The following CDC42BPB variants were observed in gnomAD, a reference collection of about 807,000 sequenced individuals.
The protein encoded by CDC42BPB is CDC42 binding protein kinase beta.
A neutral mutation model predicts 214.9 loss-of-function variants in CDC42BPB; 37 were observed. The observed-to-expected ratio is 0.17, with a 90% CI of 0.13 to 0.23. The LOEUF is 0.23. CDC42BPB is among the 10% of genes least tolerant of loss of function. CDC42BPB has a pLI of 1.00. For synonymous variants in CDC42BPB, 931 were observed against 884.0 expected (o/e 1.05, Z -0.94); for missense variants, 1,694 against 2,227.0 (o/e 0.76, Z 4.82).
At position 102,949,572 on chromosome 14, in the gene CDC42BPB, G is replaced by A. The variant is rs904042795; in HGVS notation, c.3449+193C>T. 3.3e-5 allele frequency among the ~76,000 whole-genome samples: 5 copies of A among 152,172 alleles called. No homozygotes were observed. The East Asian group carries it at 7.7e-4, about 23-fold the overall frequency. ...CTCCCGTTCCTGCGCACGCAGGCCC[G>A]TATGCATGTCTGTTCATACGCATGT... On this transcript the variant is annotated intron_variant, in intron 26 of 36. Transcript: ENST00000361246.
chr14:103,002,962 G>A (rs1895058875), intron 4 of CDC42BPB, among the ~76,000 whole-genome samples: 1 of 152,170 alleles, frequency 6.6e-6, no homozygotes, highest in Non-Finnish European at 1.5e-5. Context: ...GCTCCTTTAG[G>A]GTGAATGGAA....
intron 1 of CDC42BPB, among the ~76,000 whole-genome samples, chr14:103,032,797 T>C (rs1887464520): frequency 6.6e-6 from 1 of 151,792 alleles, no homozygotes; most frequent in African/African-American, 2.4e-5. Context: ...CACGCCTGGC[T>C]AATTTTTATA....
rs1024139452 is a variant in CDC42BPB at position 103,014,194 on chromosome 14, G to A, written c.176-2006C>T. ...AAAAAAAAAAAAAAAAAAGCTCCTA[G>A]AGAGAGGTCAGGTCAACTCTTCCCA... On this transcript the variant is annotated intron_variant, in intron 1 of 36. Transcript: ENST00000361246. Among the ~76,000 whole-genome samples, 203 of 144,182 alleles carry A rather than the reference G, an allele frequency of 1.4e-3. 1 individual carries two copies. Among genetic ancestry groups the A allele is most frequent in the African/African-American group, 4.9e-3 (194 of 39,284 alleles). The allele number at this position is 144,182 out of a possible 152,430, so 94.6% of individuals were successfully genotyped here. A position where few individuals can be genotyped will look rare whatever the true frequency, so the allele number is the denominator to read the frequency against.
rs1042537487 is a variant in CDC42BPB at position 102,966,153 on chromosome 14, G to T, written c.2577+129C>A. 6.4e-6 allele frequency: 4 copies of T among 621,014 alleles called. No homozygotes were observed. The Admixed American group carries it at 9.1e-5, about 14-fold the overall frequency. 38.5% of individuals were successfully genotyped at this position (621,014 alleles called of 1,614,324 possible). Reference sequence around the variant, plus strand: ...GCAAATGTTGGCGTTCCTTAAATTGGGGAACTGGTTACACAGAAGTCTCTT... The same window carrying T: ...GCAAATGTTGGCGTTCCTTAAATTGTGGAACTGGTTACACAGAAGTCTCTT... On this transcript the variant is annotated intron_variant, in intron 18 of 36. Transcript: ENST00000361246.
rs753500249 is a variant in CDC42BPB at position 102,980,751 on chromosome 14, A to G, written c.1140+22T>C. 3 of 1,612,632 alleles carry G rather than the reference A, an allele frequency of 1.9e-6. No homozygotes were observed. In the South Asian group the frequency reaches 3.3e-5, roughly 18 times the overall value. On this transcript the variant is annotated intron_variant, in intron 8 of 36. Transcript: ENST00000361246. ...GTCAGACCCACAGCCAGCAACCCTG[A>G]GAACGGTGCTTTCACACTCACCGTG...
chr14:102,987,615 A>T (rs569216770), intron 5 of CDC42BPB, among the ~76,000 whole-genome samples: 5 of 152,302 alleles, frequency 3.3e-5, no homozygotes, highest in Admixed American at 3.3e-4. Flanking sequence ...TCACACAAAC[A>T]TGGGCAGATG....
At chr14:103,050,812 G>A (rs1888563042) in intron 1 of CDC42BPB, among the ~76,000 whole-genome samples, 1 of 151,992 alleles carries the variant, frequency 6.6e-6, no homozygotes, top group Admixed American at 6.6e-5. Flanking sequence ...TGCAATTTTG[G>A]AGGTCAGGGA....
rs565736470 is a variant in CDC42BPB, at chr14:102,969,895, G to A, written c.1995+256C>T. Reference sequence around the variant, plus strand: ...TAGGAAATGAGCCAATTAGATATTCGTTTCCTAGGACTTACTGTGAATTGC... The same window carrying A: ...TAGGAAATGAGCCAATTAGATATTCATTTCCTAGGACTTACTGTGAATTGC... On this transcript the variant is annotated intron_variant, in intron 14 of 36. Coordinates refer to ENST00000361246, the MANE Select transcript of CDC42BPB (RefSeq NM_006035.4). 2.6e-5 allele frequency among the ~76,000 whole-genome samples: 4 copies of A among 152,326 alleles called. No individual in the cohort carries two copies. In the East Asian group the frequency reaches 5.8e-4, roughly 22 times the overall value.
intron 1 of CDC42BPB, among the ~76,000 whole-genome samples, chr14:103,016,276 T>C (rs1344891213): frequency 6.6e-6 from 1 of 152,258 alleles, no homozygotes; most frequent in Non-Finnish European, 1.5e-5. Flanking sequence ...GGAACTTCGC[T>C]GCCAGGATGG....
At chr14:103,029,285 T>C (rs1887215389) in intron 1 of CDC42BPB, among the ~76,000 whole-genome samples, 1 of 152,226 alleles carries the variant, frequency 6.6e-6, no homozygotes, top group Non-Finnish European at 1.5e-5. Flanking sequence ...ATTACGCTTG[T>C]AATCCCAGCA....
chr14:102,964,258 T>TCGCAC (rs1893088853), intron 19 of CDC42BPB, among the ~76,000 whole-genome samples: 2 of 152,124 alleles, frequency 1.3e-5, no homozygotes, highest in African/African-American at 4.8e-5. Flanking sequence ...AAAACACGGC[T>TCGCAC]CGCACCGCAC....
intron 1 of CDC42BPB, among the ~76,000 whole-genome samples, chr14:103,046,787 G>A (rs974664118): frequency 2.0e-5 from 3 of 151,848 alleles, no homozygotes; most frequent in Admixed American, 2.0e-4. Flanking sequence ...AAGAGTAGCT[G>A]GGATTACAGG....
rs35836661 is a variant in CDC42BPB at position 102,946,726 on chromosome 14, C to T, written c.3532-42G>A. 1,821 of 1,604,418 alleles carry T rather than the reference C, an allele frequency of 1.1e-3. 19 individuals are homozygous for T. In the African/African-American group the frequency reaches 0.021, roughly 19 times the overall value. On this transcript the variant is annotated intron_variant, in intron 27 of 36. Coordinates refer to ENST00000361246, the MANE Select transcript of CDC42BPB (RefSeq NM_006035.4). ...AGAAGAGAAGAGAGAAGTCATCAAA[C>T]GCCAAAGCCGCACGCAGCTACCACG...
intron 17 of CDC42BPB, among the ~76,000 whole-genome samples, 181 bp downstream of exon 17, chr14:102,966,865 C>A (rs1893229182): frequency 6.6e-6 from 1 of 152,182 alleles, no homozygotes. Flanking sequence ...ATCTCCACCT[C>A]TATTCCAACA....
At chr14:102,970,473 T>A (rs1893425110) in intron 13 of CDC42BPB, 2 of 620,060 alleles carry the variant, frequency 3.2e-6, no homozygotes, top group African/African-American at 2.0e-5. Context: ...GGTTCAATTC[T>A]AGCTTAAATT....
chr14:102,958,549 C>T lies in CDC42BPB; in HGVS notation c.2901+1082G>A, dbSNP rs181733060. The stretch of plus-strand genomic sequence containing the variant: ...GCGTGCTGCTATCAAGGGTGCATCC[C>T]TACAGGTTTCAAAGAGGAGGAAAGG... On this transcript the variant is annotated intron_variant, in intron 21 of 36. Transcript: ENST00000361246. Among the ~76,000 whole-genome samples, 101 of 152,248 alleles carry T rather than the reference C, an allele frequency of 6.6e-4. 1 individual carries two copies. Among genetic ancestry groups the T allele is most frequent in the Admixed American group, 1.8e-3 (27 of 15,292 alleles).
chr14:102,966,752 T>TA (rs1893222734), intron 17 of CDC42BPB, among the ~76,000 whole-genome samples: 1 of 152,264 alleles, frequency 6.6e-6, no homozygotes, highest in South Asian at 2.1e-4. Context: ...GTCTCCCTGC[T>TA]GCTTCTGCAG....
chr14:102,961,733 G>A (rs940843480), intron 20 of CDC42BPB, among the ~76,000 whole-genome samples: 10 of 152,144 alleles, frequency 6.6e-5, no homozygotes, highest in African/African-American at 2.2e-4. Context: ...ACAAGAGATG[G>A]GGTTTCTCCA....
chr14:103,043,051 G>T (rs1888096287), intron 1 of CDC42BPB, among the ~76,000 whole-genome samples: 1 of 152,190 alleles, frequency 6.6e-6, no homozygotes, highest in African/African-American at 2.4e-5. Context: ...GAGGTCAGGG[G>T]TTTGAGACCA....
Sources: gnomAD v4.1 joint callset for allele counts (sites outside exome capture counted in the v4.1 genomes callset) on GRCh38, gnomAD v4.1.1 for gene constraint, MANE v1.5 for transcripts, NCBI Gene and HGNC (gene_info 2026-07-23, HGNC 2026-07-21) for gene names.